The following MINAR2 variants were observed in gnomAD, a reference collection of about 807,000 sequenced individuals.
MINAR2 encodes membrane integral NOTCH2 associated receptor 2, also known as major intrinsically disordered NOTCH2-binding receptor 1-like.
MINAR2 carries 21 observed loss-of-function variants against 16.1 expected under a neutral mutation model. The ratio of observed to expected loss-of-function variants is 1.31; its 90% confidence interval spans 0.93 to 1.88. The LOEUF is 1.88. Ranked by LOEUF, MINAR2 falls within the 40% of genes most tolerant of loss-of-function variation. The probability of loss-of-function intolerance (pLI) is 0.00; values close to 1 mark genes in which losing one functional copy is unlikely to be tolerated. For synonymous variants in MINAR2, 86 were observed against 83.0 expected, an observed-to-expected ratio of 1.04 and a Z score of -0.20; for missense variants, 259 against 229.8, an observed-to-expected ratio of 1.13 and a Z score of -0.82.
At chr5:129,755,428 G>A (rs1337761489) in intron 1 of MINAR2, among the ~76,000 whole-genome samples, 3 of 152,016 alleles carry the variant, frequency 2.0e-5, no homozygotes, top group Admixed American at 6.6e-5. Flanking sequence ...GGTAGAAGTT[G>A]ACTGCAAAAC....
rs1758195619 is a variant in MINAR2 at position 129,765,192 on chromosome 5, A to G, written c.*129A>G. 4.3e-6 allele frequency: 2 copies of G among 465,816 alleles called. No homozygotes were observed. The highest frequency in any genetic ancestry group is 7.0e-6 in the Non-Finnish European group (2 of 286,682). The allele number at this position is 465,816 out of a possible 1,614,324, so 28.9% of individuals were successfully genotyped here. A position where few individuals can be genotyped will look rare whatever the true frequency, so the allele number is the denominator to read the frequency against. On this transcript the variant is annotated 3_prime_UTR_variant, in exon 3 of 3. Transcript: ENST00000564719. ...GTGTGAATGGATTGTTGATTGTATT[A>G]TTAAATGTAATTGTCCTGAAGAATG...
rs368847096 is a variant in MINAR2 at position 129,754,025 on chromosome 5, G to A, written c.165+5670G>A. 7.8e-4 allele frequency among the ~76,000 whole-genome samples: 119 copies of A among 152,130 alleles called. 3 individuals are homozygous for A. In the South Asian group the frequency reaches 0.016, roughly 21 times the overall value. ...TTTATAGGATTAGGGAATTGGCCAC[G>A]GATGGTATATTTCCAAAAAGAACAC... On this transcript the variant is annotated intron_variant, in intron 1 of 2. Coordinates refer to ENST00000564719, the MANE Select transcript of MINAR2 (RefSeq NM_001257308.2).
At chr5:129,751,360 C>T (rs1757982753) in intron 1 of MINAR2, among the ~76,000 whole-genome samples, 1 of 152,142 alleles carries the variant, frequency 6.6e-6, no homozygotes, top group African/African-American at 2.4e-5. Context: ...AGGCACCCGC[C>T]ACCATGCCCA....
At chr5:129,760,283 C>A in intron 1 of MINAR2, 95 bp from the exon 2 acceptor site, 1 of 925,580 alleles carries the variant, frequency 1.1e-6, no homozygotes, top group Non-Finnish European at 1.6e-6. Context: ...TGTTTCTGCA[C>A]AAAATCAGCA....
At chr5:129,750,027 T>A (rs189304288) in intron 1 of MINAR2, among the ~76,000 whole-genome samples, 2 of 152,330 alleles carry the variant, frequency 1.3e-5, no homozygotes, top group African/African-American at 4.8e-5. Flanking sequence ...AAATGTTAAA[T>A]GACCTAGTGA....
rs759913406 is a variant in MINAR2, at chr5:129,760,404, A to G, written c.192A>G (p.Gln64=). The part of the protein sequence containing the change: ...SQREKKNIAA[Q]RIRGSSADSL... The stretch of plus-strand genomic sequence containing the variant: ...GGGAAAAGAAGAATATTGCTGCTCA[A>G]CGAATTAGGGGATCCAGTGCAGACA... The change falls in exon 2 of 3, where the codon CAA becomes CAG. Residue 64 remains glutamine (Q), a synonymous_variant. Transcript: ENST00000564719. The G allele has an allele frequency of 2.3e-5, 36 of 1,535,556 alleles. No homozygotes were observed. In the South Asian group the frequency reaches 2.6e-4, roughly 11 times the overall value.
chr5:129,761,580 A>G (rs562926198), intron 2 of MINAR2, among the ~76,000 whole-genome samples: 1 of 152,242 alleles, frequency 6.6e-6, no homozygotes, highest in South Asian at 2.1e-4. Flanking sequence ...TCCTTTACGT[A>G]GCCCATTTTC....
Position 129,765,019 on chromosome 5 carries a change from T to G in MINAR2, c.529T>G (p.Ser177Ala). The change falls in exon 3 of 3, where the codon TCC becomes GCC. Residue 177 changes from serine to alanine, a missense_variant. Coordinates refer to ENST00000564719, the MANE Select transcript of MINAR2 (RefSeq NM_001257308.2). ...RMGLILLVVI[S>A]ILVTIVTIIT... ...GGGTCTGATTTTACTTGTCGTTATC[T>G]CCATCTTGGTTACCATAGTGACTAT... The G allele has an allele frequency of 7.4e-7, 1 of 1,345,718 alleles. No individual in the cohort carries two copies. Among genetic ancestry groups the G allele is most frequent in the Non-Finnish European group, 9.6e-7 (1 of 1,046,856 alleles). The allele number at this position is 1,345,718 out of a possible 1,614,324, so 83.4% of individuals were successfully genotyped here. A position where few individuals can be genotyped will look rare whatever the true frequency, so the allele number is the denominator to read the frequency against.
At chr5:129,752,865 T>C (rs1758002980) in intron 1 of MINAR2, among the ~76,000 whole-genome samples, 1 of 152,094 alleles carries the variant, frequency 6.6e-6, no homozygotes, top group Non-Finnish European at 1.5e-5. Flanking sequence ...ACTCCTTTGT[T>C]ATATCTTTTC....
At chr5:129,755,072 T>C (rs895364767) in intron 1 of MINAR2, among the ~76,000 whole-genome samples, 1 of 152,134 alleles carries the variant, frequency 6.6e-6, no homozygotes, top group Admixed American at 6.5e-5. Flanking sequence ...GTTTGAATAT[T>C]TTGAAAGTCT....
chr5:129,751,989 C>T (rs1212805981), intron 1 of MINAR2, among the ~76,000 whole-genome samples: 1 of 152,122 alleles, frequency 6.6e-6, no homozygotes, highest in Admixed American at 6.5e-5. Context: ...CATCACTGGT[C>T]ATTAGAGAAA....
At chr5:129,751,267 G>A (rs1313353927) in intron 1 of MINAR2, among the ~76,000 whole-genome samples, 2 of 151,882 alleles carry the variant, frequency 1.3e-5, no homozygotes, top group African/African-American at 4.8e-5. Context: ...GGAGTGCAGT[G>A]GCACAATCTC....
rs115791431 is a variant in MINAR2 at position 129,748,405 on chromosome 5, C to T, written c.165+50C>T. 504 of 1,501,976 alleles carry T rather than the reference C, an allele frequency of 3.4e-4. 2 individuals carry two copies. The African/African-American group carries it at 6.3e-3, about 19-fold the overall frequency. 93.0% of individuals were successfully genotyped at this position (1,501,976 alleles called of 1,614,324 possible). A position where few individuals can be genotyped will look rare whatever the true frequency, so the allele number is the denominator to read the frequency against. On this transcript the variant is annotated intron_variant, in intron 1 of 2. Transcript: ENST00000564719. ...CGGGGATGGAGGCTTGTTTCTTTCT[C>T]GCTATCTGCCATTTCACCATTTATG...
At chr5:129,757,456 T>A (rs1421829734) in intron 1 of MINAR2, among the ~76,000 whole-genome samples, 1 of 152,094 alleles carries the variant, frequency 6.6e-6, no homozygotes, top group Non-Finnish European at 1.5e-5. Flanking sequence ...AAATATTTTA[T>A]AATTTAATTC....
At chr5:129,751,061 C>T (rs1207632852) in intron 1 of MINAR2, among the ~76,000 whole-genome samples, 1 of 152,182 alleles carries the variant, frequency 6.6e-6, no homozygotes. Flanking sequence ...CAGAGATTCC[C>T]TAGATTTGAA....
intron 2 of MINAR2, among the ~76,000 whole-genome samples, chr5:129,763,252 T>C (rs1758161632): frequency 6.6e-6 from 1 of 152,182 alleles, no homozygotes; most frequent in South Asian, 2.1e-4. Flanking sequence ...TCGTCAGCAC[T>C]AACTTCCTGA....
Position 129,765,000 on chromosome 5 carries a change from G to A in MINAR2, c.510G>A (p.Leu170=). Residue 170 remains leucine, a synonymous_variant, in exon 3 of 3, where the codon CTG becomes CTA. Transcript: ENST00000564719. ...EKHSKFCRMG[L]ILLVVISILV... is the part of the protein sequence containing the mutation. ...ATTCAAAATTCTGTCGTATGGGTCTGATTTTACTTGTCGTTATCTCCATCT... is the reference window on the plus strand; with the variant it reads ...ATTCAAAATTCTGTCGTATGGGTCTAATTTTACTTGTCGTTATCTCCATCT... 7.3e-7 allele frequency: 1 copy of A among 1,366,774 alleles called. No individual in the cohort carries two copies. Among genetic ancestry groups the A allele is most frequent in the Non-Finnish European group, 9.4e-7 (1 of 1,059,456 alleles). 84.7% of individuals were successfully genotyped at this position (1,366,774 alleles called of 1,614,324 possible).
At chr5:129,752,502 C>T (rs1233096220) in intron 1 of MINAR2, among the ~76,000 whole-genome samples, 1 of 152,140 alleles carries the variant, frequency 6.6e-6, no homozygotes, top group Non-Finnish European at 1.5e-5. Flanking sequence ...TGTTCTCACT[C>T]ATAATAGGAA....
intron 1 of MINAR2, among the ~76,000 whole-genome samples, chr5:129,757,754 C>T (rs1308820520): frequency 1.3e-5 from 2 of 151,848 alleles, no homozygotes; most frequent in African/African-American, 4.8e-5. Flanking sequence ...TACTATACTC[C>T]AGTGTATTCA....
Sources: gnomAD v4.1 joint callset for allele counts (sites outside exome capture counted in the v4.1 genomes callset) on GRCh38, gnomAD v4.1.1 for gene constraint, MANE v1.5 for transcripts, NCBI Gene and HGNC (gene_info 2026-07-23, HGNC 2026-07-21) for gene names.